Variants in PRIMA1 observed in about 807,000 individuals in gnomAD.
The protein encoded by PRIMA1 is proline-rich membrane anchor 1.
A neutral mutation model predicts 17.5 loss-of-function variants in PRIMA1; 7 were observed. The observed-to-expected ratio is 0.40, with a 90% CI of 0.23 to 0.75. The LOEUF (loss-of-function observed/expected upper bound fraction) is 0.75. PRIMA1 is among the 30% of genes least tolerant of loss of function. The pLI is 0.37. For synonymous variants in PRIMA1, 97 were observed against 77.9 expected, an observed-to-expected ratio of 1.25 and a Z score of -1.29; for missense variants, 200 against 201.8, an observed-to-expected ratio of 0.99 and a Z score of 0.05.
chr14:93,785,920 C>A (rs1034223027), intron 2 of PRIMA1, among the ~76,000 whole-genome samples: 10 of 151,728 alleles, frequency 6.6e-5, no homozygotes, highest in African/African-American at 2.4e-4. Context: ...ACACACACAC[C>A]CCTGCTTGTG....
Position 93,737,367 on chromosome 14 carries a change from G to A in PRIMA1, c.233C>T (p.Pro78Leu). The change falls in exon 4 of 5, where the codon CCC becomes CTC. Residue 78 changes from proline to leucine, a missense_variant. By Grantham distance (98) the Pro-to-Leu change is moderately conservative (BLOSUM62 -3). Transcript: ENST00000393140. The stretch of plus-strand genomic sequence containing the variant: ...CTCAGTGGGGCAAGAGGTAGAGTTG[G>A]GAGCTGAAAAAGACAGGAGCAGCCT... ...PPPRLLSAPA[P>L]NSTSCPTEES... 1 of 1,613,880 alleles carries A rather than the reference G, an allele frequency of 6.2e-7. No homozygotes were observed. Among genetic ancestry groups the A allele is most frequent in the Middle Eastern group, 1.6e-4 (1 of 6,062 alleles).
chr14:93,723,009 G>A (rs1278382561), intron 4 of PRIMA1, among the ~76,000 whole-genome samples: 1 of 152,066 alleles, frequency 6.6e-6, no homozygotes, highest in Non-Finnish European at 1.5e-5. Context: ...GAAGGCTGTT[G>A]CTCACTTGCT....
intron 4 of PRIMA1, among the ~76,000 whole-genome samples, chr14:93,724,214 T>C (rs1353053728): frequency 3.3e-5 from 5 of 152,188 alleles, no homozygotes; most frequent in African/African-American, 1.2e-4. Flanking sequence ...TGGGACCTCA[T>C]CAACTTGGGA....
intron 3 of PRIMA1, among the ~76,000 whole-genome samples, chr14:93,747,535 GGAGTGTGT>G (rs981953357): frequency 2.0e-5 from 3 of 152,044 alleles, no homozygotes; most frequent in Non-Finnish European, 2.9e-5. Context: ...GGCAGGAGGT[GGAGTGTGT>G]GAGTGTGTGA....
intron 3 of PRIMA1, among the ~76,000 whole-genome samples, chr14:93,767,185 C>T (rs1371277918): frequency 6.6e-6 from 1 of 152,214 alleles, no homozygotes; most frequent in Non-Finnish European, 1.5e-5. Context: ...TAGCAAACGT[C>T]ACAACAGCTA....
intron 4 of PRIMA1, among the ~76,000 whole-genome samples, chr14:93,734,048 A>G (rs2076132894): frequency 6.6e-6 from 1 of 152,194 alleles, no homozygotes. Context: ...TTCACCCTCA[A>G]TGAACACAGT....
chr14:93,771,023 C>T (rs1316320146), intron 3 of PRIMA1, among the ~76,000 whole-genome samples: 1 of 151,204 alleles, frequency 6.6e-6, no homozygotes, highest in Non-Finnish European at 1.5e-5. Flanking sequence ...ATAACTGCTA[C>T]AAAAGAAAAT....
rs140514421 is a variant in PRIMA1, at chr14:93,723,566, T to C, written c.360-2020A>G. ...TGCAGCAGAAGTAGCTCAAAACTTC[T>C]GCTAAGCAAGCCAAGTGCACTCATT... On this transcript the variant is annotated intron_variant, in intron 4 of 4. Transcript: ENST00000393140. 2.7e-3 allele frequency among the ~76,000 whole-genome samples: 406 copies of C among 152,300 alleles called. 6 individuals are homozygous for C. Among genetic ancestry groups the C allele is most frequent in the African/African-American group, 9.4e-3 (392 of 41,562 alleles).
At chr14:93,737,774 G>T (rs1249082254) in intron 3 of PRIMA1, among the ~76,000 whole-genome samples, 1 of 152,212 alleles carries the variant, frequency 6.6e-6, no homozygotes, top group Non-Finnish European at 1.5e-5. Context: ...GCCTCTGAGC[G>T]CCTCCATCCC....
At chr14:93,738,011 A>G (rs560809464) in intron 3 of PRIMA1, among the ~76,000 whole-genome samples, 1 of 152,130 alleles carries the variant, frequency 6.6e-6, no homozygotes, top group Non-Finnish European at 1.5e-5. Flanking sequence ...GAGGACTGCC[A>G]ATGTCCGTTT....
chr14:93,731,078 C>A (rs192460851), intron 4 of PRIMA1, among the ~76,000 whole-genome samples: 1 of 152,264 alleles, frequency 6.6e-6, no homozygotes, highest in East Asian at 1.9e-4. Flanking sequence ...GCATTGTTAA[C>A]CCCAGGAAAG....
chr14:93,769,965 C>T (rs1885008633), intron 3 of PRIMA1, among the ~76,000 whole-genome samples: 1 of 152,144 alleles, frequency 6.6e-6, no homozygotes, highest in Non-Finnish European at 1.5e-5. Context: ...ATCAGGAGGA[C>T]CAAGGAGAGG....
chr14:93,736,058 T>C (rs1255603975), intron 4 of PRIMA1, among the ~76,000 whole-genome samples: 3 of 152,196 alleles, frequency 2.0e-5, no homozygotes, highest in Non-Finnish European at 4.4e-5. Context: ...CCTTTCTGTC[T>C]GTATGTCCTT....
chr14:93,728,168 C>T (rs574815540), intron 4 of PRIMA1, among the ~76,000 whole-genome samples: 1 of 152,350 alleles, frequency 6.6e-6, no homozygotes, highest in South Asian at 2.1e-4. Flanking sequence ...CTCCATGGTC[C>T]TGTGGGTTCG....
At chr14:93,774,711 C>T (rs1346250378) in intron 3 of PRIMA1, among the ~76,000 whole-genome samples, 11 of 152,218 alleles carry the variant, frequency 7.2e-5, no homozygotes, top group Admixed American at 7.2e-4. Flanking sequence ...TACGTATCCC[C>T]TTCCCAATAG....
intron 3 of PRIMA1, among the ~76,000 whole-genome samples, chr14:93,742,182 C>T (rs1377595636): frequency 6.6e-6 from 1 of 152,214 alleles, no homozygotes; most frequent in African/African-American, 2.4e-5. Flanking sequence ...TTAAAAGAGG[C>T]AACCAAAGAC....
At position 93,779,273 on chromosome 14, in the gene PRIMA1, C is replaced by A; in HGVS notation, c.132G>T (p.Val44=). 2 of 1,545,470 alleles carry A rather than the reference C, an allele frequency of 1.3e-6. No homozygotes were observed. Among genetic ancestry groups the A allele is most frequent in the Non-Finnish European group, 1.7e-6 (2 of 1,152,980 alleles). ...HGEPQKSCSK[V]TDSCRHVCQC... ...GGCAGACGTGTCGGCAGCTGTCAGT[C>A]ACTTTGGAGCAGGACTTCTGGGGCT... Residue 44 remains valine, a synonymous_variant, in exon 3 of 5, where the codon GTG becomes GTT. Coordinates refer to ENST00000393140, the MANE Select transcript of PRIMA1 (RefSeq NM_178013.4).
intron 1 of PRIMA1, 125 bp from the exon 2 acceptor site, chr14:93,787,874 C>T (rs1885572078): frequency 5.5e-6 from 6 of 1,083,884 alleles, no homozygotes; most frequent in Non-Finnish European, 7.7e-6. Flanking sequence ...CCTAGTAAAC[C>T]AAGCCTGCAC....
chr14:93,727,654 G>A (rs1053993616), intron 4 of PRIMA1, among the ~76,000 whole-genome samples: 11 of 152,176 alleles, frequency 7.2e-5, no homozygotes, highest in Non-Finnish European at 1.2e-4. Context: ...AACACCTCTG[G>A]GTAGAAGGGC....
Sources: allele counts gnomAD v4.1 joint callset (sites outside exome capture counted in the v4.1 genomes callset), GRCh38; gene constraint gnomAD v4.1.1; transcripts MANE v1.5; gene names NCBI Gene and HGNC (gene_info 2026-07-23, HGNC 2026-07-21).